Variants in PARD3 observed in about 807,000 individuals in gnomAD.
PARD3 encodes par-3 family cell polarity regulator.
In PARD3, 75 loss-of-function variants were observed where a neutral mutation model predicts 155.4. That is an observed-to-expected ratio of 0.48 (90% CI 0.40 to 0.58). The LOEUF is 0.58. Ranked by LOEUF, PARD3 falls within the 20% of genes least tolerant of loss-of-function variation. The pLI, the probability that PARD3 is intolerant of heterozygous loss-of-function variation, is 0.00. For missense variants in PARD3, 1,642 were observed against 1,721.7 expected (o/e 0.95, Z 0.82); for synonymous variants, 576 against 610.5 (o/e 0.94, Z 0.83).
intron 2 of PARD3, among the ~76,000 whole-genome samples, chr10:34,536,279 T>C (rs2133843522): frequency 6.6e-6 from 1 of 152,362 alleles, no homozygotes; most frequent in East Asian, 1.9e-4. Context: ...TTAAATCATT[T>C]AATGTTGTTA....
At chr10:34,359,997 GT>G in intron 13 of PARD3, 73 bp downstream of exon 13, 1 of 1,158,228 alleles carries the variant, frequency 8.6e-7, no homozygotes, top group Non-Finnish European at 1.3e-6. Flanking sequence ...AACTGTATAT[GT>G]TTCCAAAATA....
Position 34,359,234 on chromosome 10 carries a change from T to C in PARD3, c.1980A>G (p.Glu660=), listed in dbSNP as rs1438933988. The part of the protein sequence containing the change: ...LLGKTNQDAM[E]TLRRSMSTEG... ...CAGTAGACATAGACCTTCTTAGGGTTTCCATGGCATCTTGGTTTGTCTTGC... is the reference window on the plus strand; with the variant it reads ...CAGTAGACATAGACCTTCTTAGGGTCTCCATGGCATCTTGGTTTGTCTTGC... The change falls in exon 14 of 25, where the codon GAA becomes GAG. Residue 660 remains glutamate, a synonymous_variant. Transcript: ENST00000374788. The C allele has an allele frequency of 6.2e-7, 1 of 1,613,730 alleles. No homozygotes were observed. Among genetic ancestry groups the C allele is most frequent in the Non-Finnish European group, 8.5e-7 (1 of 1,179,632 alleles).
At chr10:34,260,424 T>C (rs1954896525) in intron 22 of PARD3, among the ~76,000 whole-genome samples, 1 of 152,170 alleles carries the variant, frequency 6.6e-6, no homozygotes. Context: ...GAAGACTGTT[T>C]AGAGAGCTGG....
chr10:34,453,941 A>G (rs1420835187), intron 4 of PARD3, among the ~76,000 whole-genome samples: 1 of 152,238 alleles, frequency 6.6e-6, no homozygotes, highest in Non-Finnish European at 1.5e-5. Flanking sequence ...TTCATGGATA[A>G]TAAAACTAAA....
At chr10:34,323,800 G>A (rs1246115749) in intron 19 of PARD3, among the ~76,000 whole-genome samples, 1 of 152,160 alleles carries the variant, frequency 6.6e-6, no homozygotes, top group African/African-American at 2.4e-5. Flanking sequence ...GGCACAATGA[G>A]GGTCACACCC....
At chr10:34,144,969 A>T (rs1471905438) in intron 22 of PARD3, among the ~76,000 whole-genome samples, 5 of 152,004 alleles carry the variant, frequency 3.3e-5, no homozygotes, top group Non-Finnish European at 7.4e-5. Flanking sequence ...TGGCTGCCTA[A>T]AAGGGTATTA....
chr10:34,377,779 T>TA (rs1302491052), intron 10 of PARD3, among the ~76,000 whole-genome samples, 188 bp downstream of exon 10: 1 of 151,870 alleles, frequency 6.6e-6, no homozygotes, highest in Non-Finnish European at 1.5e-5. Flanking sequence ...TTTTAACAAT[T>TA]AAAAAAATAT....
chr10:34,559,297 A>G (rs1221874838), intron 2 of PARD3, among the ~76,000 whole-genome samples: 1 of 152,112 alleles, frequency 6.6e-6, no homozygotes, highest in Non-Finnish European at 1.5e-5. Context: ...AACTGTTGTG[A>G]TTTTCTAAAA....
At position 34,282,943 on chromosome 10, in the gene PARD3, A is replaced by C. The variant is rs552217600; in HGVS notation, c.3176+1192T>G. On this transcript the variant is annotated intron_variant, in intron 21 of 24. Coordinates refer to ENST00000374788, the MANE Select transcript of PARD3 (RefSeq NM_001184785.2). ...GGTGAAATGATTTTTTAAAAATAAA[A>C]ATTGAGGAGGAACCAGCCGTCTTGC... 1.6e-4 allele frequency among the ~76,000 whole-genome samples: 25 copies of C among 152,186 alleles called. 1 individual carries two copies. The highest frequency in any genetic ancestry group is 6.0e-4 in the African/African-American group (25 of 41,546).
At chr10:34,581,229 C>CTTTTTTTTTTTTT (rs1564376327) in intron 2 of PARD3, among the ~76,000 whole-genome samples, 3 of 95,152 alleles carry the variant, frequency 3.2e-5, no homozygotes, top group African/African-American at 1.4e-4. Flanking sequence ...TTTTCTTTTT[C>CTTTTTTTTTTTTT]TTTTCTTTTT....
intron 1 of PARD3, among the ~76,000 whole-genome samples, chr10:34,760,557 C>A (rs1237779249): frequency 1.3e-5 from 2 of 152,186 alleles, no homozygotes; most frequent in African/African-American, 4.8e-5. Flanking sequence ...TTCTAGAACT[C>A]CTGACCTCAA....
intron 22 of PARD3, among the ~76,000 whole-genome samples, chr10:34,173,279 G>A (rs681954): frequency 0.23 from 35,732 of 152,080 alleles, 4,376 homozygotes; most frequent in Middle Eastern, 0.36. Flanking sequence ...GCAAACCTCA[G>A]CTTGTAATAT....
intron 22 of PARD3, among the ~76,000 whole-genome samples, chr10:34,161,235 AC>A (rs1336652995): frequency 8.7e-6 from 1 of 115,530 alleles, no homozygotes; most frequent in Non-Finnish European, 1.7e-5. Context: ...ACAGAGTGAG[AC>A]CCTGTCTTGA....
At chr10:34,422,229 T>C (rs2075353090) in intron 5 of PARD3, among the ~76,000 whole-genome samples, 1 of 152,150 alleles carries the variant, frequency 6.6e-6, no homozygotes, top group Admixed American at 6.6e-5. Context: ...CTGTGTGACC[T>C]TTAGCAAATA....
At chr10:34,543,982 C>T (rs774616849) in intron 2 of PARD3, among the ~76,000 whole-genome samples, 4 of 152,180 alleles carry the variant, frequency 2.6e-5, no homozygotes, top group Non-Finnish European at 4.4e-5. Flanking sequence ...TTAATTCTCA[C>T]AGATGATGGC....
chr10:34,371,495 A>C lies in PARD3; in HGVS notation c.1707+1003T>G, dbSNP rs989574202. On this transcript the variant is annotated intron_variant, in intron 12 of 24. Transcript: ENST00000374788. ...GGTGAGATTCTAGACTCAAAAAAAA[A>C]AAAAAAAAAAAAAAAAAAAAAAAAA... 9.7e-4 allele frequency among the ~76,000 whole-genome samples: 52 copies of C among 53,404 alleles called. 2 individuals are homozygous for C. The highest frequency in any genetic ancestry group is 8.1e-3 in the African/African-American group (47 of 5,820). 35.0% of individuals were successfully genotyped at this position (53,404 alleles called of 152,430 possible). A position where few individuals can be genotyped will look rare whatever the true frequency, so the allele number is the denominator to read the frequency against.
chr10:34,616,807 G>T (rs1419723955), intron 2 of PARD3, among the ~76,000 whole-genome samples: 2 of 151,566 alleles, frequency 1.3e-5, no homozygotes, highest in Non-Finnish European at 2.9e-5. Flanking sequence ...TGGTGGCATG[G>T]GTCTATGGTC....
chr10:34,452,112 C>T (rs773938), intron 4 of PARD3, among the ~76,000 whole-genome samples: 152,279 of 152,286 alleles, frequency 1, 76,136 homozygotes, highest in Middle Eastern at 1. Context: ...GCAAGTATAA[C>T]TTTTATGTCA....
intron 22 of PARD3, among the ~76,000 whole-genome samples, chr10:34,140,070 C>T (rs1470581733): frequency 1.3e-5 from 2 of 152,064 alleles, no homozygotes; most frequent in South Asian, 2.1e-4. Context: ...CCCATTACAC[C>T]CCGTGTGTTA....
Sources: gnomAD v4.1 joint callset for allele counts (sites outside exome capture counted in the v4.1 genomes callset) on GRCh38, gnomAD v4.1.1 for gene constraint, MANE v1.5 for transcripts, NCBI Gene and HGNC (gene_info 2026-07-23, HGNC 2026-07-21) for gene names.